RBBP5: variants seen among roughly 807,000 people sequenced by gnomAD.
RBBP5 encodes RB binding protein 5, histone lysine methyltransferase complex subunit, also known as retinoblastoma-binding protein 5.
RBBP5 carries 5 observed loss-of-function variants against 72.2 expected under a neutral mutation model. The ratio of observed to expected loss-of-function variants is 0.07; its 90% CI spans 0.04 to 0.15. The LOEUF (loss-of-function observed/expected upper bound fraction) is 0.15, where lower values mean the gene tolerates loss of function less well. Among genes scored for constraint, RBBP5 ranks in the 10% least tolerant of loss-of-function variants. The pLI is 1.00. For synonymous variants in RBBP5, 209 were observed against 237.2 expected, an observed-to-expected ratio of 0.88 and a Z score of 1.09; for missense variants, 322 against 652.2, an observed-to-expected ratio of 0.49 and a Z score of 5.51.
At chr1:205,108,835 G>A (rs1230837454) in intron 3 of RBBP5, among the ~76,000 whole-genome samples, 1 of 152,050 alleles carries the variant, frequency 6.6e-6, no homozygotes, top group Non-Finnish European at 1.5e-5. Context: ...CTATAACACA[G>A]GAATAAAAAC....
intron 3 of RBBP5, among the ~76,000 whole-genome samples, chr1:205,106,116 T>C (rs1656054538): frequency 6.6e-6 from 1 of 152,122 alleles, no homozygotes; most frequent in Non-Finnish European, 1.5e-5. Context: ...GGAATTCCTA[T>C]CCTTCCCAGA....
intron 3 of RBBP5, among the ~76,000 whole-genome samples, chr1:205,106,823 A>T (rs1403590681): frequency 1.3e-5 from 2 of 152,188 alleles, no homozygotes; most frequent in Admixed American, 1.3e-4. Context: ...AACATGCCTG[A>T]AACAGATGGG....
chr1:205,098,737 C>G (rs997756335), intron 10 of RBBP5, among the ~76,000 whole-genome samples: 3 of 150,710 alleles, frequency 2.0e-5, no homozygotes, highest in Admixed American at 6.7e-5. Flanking sequence ...CCCAGCTACT[C>G]GGGAGGCTGA....
intron 1 of RBBP5, among the ~76,000 whole-genome samples, chr1:205,120,469 TCCCA>T (rs1656693340): frequency 1.3e-5 from 2 of 152,130 alleles, no homozygotes; most frequent in Non-Finnish European, 2.9e-5. Flanking sequence ...TGAACATCCC[TCCCA>T]TATTTTCATA....
chr1:205,119,932 C>T (rs767221966), intron 1 of RBBP5, among the ~76,000 whole-genome samples: 5 of 152,120 alleles, frequency 3.3e-5, no homozygotes, highest in Non-Finnish European at 7.4e-5. Context: ...TTCAATGAGC[C>T]CATCTGAAAG....
At chr1:205,098,422 T>C (rs976037625) in intron 10 of RBBP5, among the ~76,000 whole-genome samples, 1 of 152,174 alleles carries the variant, frequency 6.6e-6, no homozygotes, top group African/African-American at 2.4e-5. Context: ...AAATACACAA[T>C]GATATGTTAA....
chr1:205,114,545 T>G (rs1172879188), intron 3 of RBBP5, among the ~76,000 whole-genome samples: 2 of 152,148 alleles, frequency 1.3e-5, no homozygotes. Context: ...AATCTGAAAA[T>G]ATTTCATTTC....
At chr1:205,102,765 A>G (rs1399937500) in intron 5 of RBBP5, among the ~76,000 whole-genome samples, 6 of 152,010 alleles carry the variant, frequency 3.9e-5, no homozygotes, top group Admixed American at 6.6e-5. Context: ...AGGCTGAAGC[A>G]AGTGGATCAC....
intron 13 of RBBP5, among the ~76,000 whole-genome samples, chr1:205,089,585 T>C (rs1446213136): frequency 6.6e-6 from 1 of 152,202 alleles, no homozygotes; most frequent in Non-Finnish European, 1.5e-5. Context: ...GCCCAAACTA[T>C]GAAAGAAAAG....
intron 10 of RBBP5, among the ~76,000 whole-genome samples, 195 bp from the exon 11 acceptor site, chr1:205,097,590 C>G (rs1655666546): frequency 6.6e-6 from 1 of 152,108 alleles, no homozygotes. Context: ...TGCAATGACC[C>G]AGAAAAAGTT....
chr1:205,102,373 T>C (rs920760310), intron 5 of RBBP5, among the ~76,000 whole-genome samples: 5 of 152,118 alleles, frequency 3.3e-5, no homozygotes, highest in Admixed American at 3.3e-4. Context: ...TGGGTGAAGC[T>C]TGAGGACATG....
chr1:205,091,640 C>T (rs1655354764), intron 13 of RBBP5: 1 of 152,212 alleles, frequency 6.6e-6, no homozygotes, highest in Non-Finnish European at 1.5e-5. Flanking sequence ...TTTGTTAGGG[C>T]TAATCAGTTT....
In RBBP5 at chr1:205,099,800, G is replaced by T; in HGVS notation, c.919C>A (p.Arg307=). The T allele has an allele frequency of 6.2e-7, 1 of 1,613,872 alleles. No individual in the cohort carries two copies. The highest frequency in any genetic ancestry group is 8.5e-7 in the Non-Finnish European group (1 of 1,179,760). Residue 307 remains arginine, a synonymous_variant, in exon 9 of 14, where the codon CGA becomes AGA. Transcript: ENST00000264515. The surrounding 1 kb of genome is among the most constrained non-coding windows in gnomAD (Gnocchi z 4.7). ...CTGGAAATGGATGCTATGATGGGTCGAACAGGATGCCACTAAATTTTAGTG... is the reference window on the plus strand; with the variant it reads ...CTGGAAATGGATGCTATGATGGGTCTAACAGGATGCCACTAAATTTTAGTG... ...LLLDVAWHPV[R]PIIASISSGV... is the part of the protein sequence containing the mutation.
In RBBP5 at chr1:205,099,389, C is replaced by T. The variant is rs917810961; in HGVS notation, c.979-283G>A. Among the ~76,000 whole-genome samples, 1 of 152,072 alleles carries T rather than the reference C, an allele frequency of 6.6e-6. No homozygotes were observed. The highest frequency in any genetic ancestry group is 2.4e-5 in the African/African-American group (1 of 41,400). On this transcript the variant is annotated intron_variant, in intron 9 of 13. Coordinates refer to ENST00000264515, the MANE Select transcript of RBBP5 (RefSeq NM_005057.4). The surrounding 1 kb of genome is among the most constrained non-coding windows in gnomAD (Gnocchi z 4.7). ...AAAATGTTAAATTTTCTTGTAAGTA[C>T]ACTGATTACAAACATAATTTAAAGG...
In RBBP5 at chr1:205,113,243, T is replaced by C. The variant is rs567575339; in HGVS notation, c.218+1546A>G. Among the ~76,000 whole-genome samples the C allele has an allele frequency of 7.2e-5, 11 of 152,234 alleles. No homozygotes were observed. In the South Asian group the frequency reaches 1.2e-3, roughly 17 times the overall value. ...ATGATTTTCTAGAATAAGTATATAT[T>C]AGTATATAATAAAAACACACATATT... On this transcript the variant is annotated intron_variant, in intron 3 of 13. Coordinates refer to ENST00000264515, the MANE Select transcript of RBBP5 (RefSeq NM_005057.4).
intron 5 of RBBP5, 55 bp from the exon 6 acceptor site, chr1:205,101,764 T>A: frequency 2.3e-6 from 3 of 1,278,594 alleles, no homozygotes; most frequent in East Asian, 2.3e-5. Flanking sequence ...TAACAATAAT[T>A]GATTTGGCTT....
At chr1:205,118,485 C>A (rs568914014) in intron 1 of RBBP5, among the ~76,000 whole-genome samples, 3 of 151,976 alleles carry the variant, frequency 2.0e-5, no homozygotes, top group Non-Finnish European at 4.4e-5. Context: ...TGGTGGCACA[C>A]GCCTGTAATC....
chr1:205,112,721 T>C (rs28757841), intron 3 of RBBP5, among the ~76,000 whole-genome samples: 1 of 152,228 alleles, frequency 6.6e-6, no homozygotes, highest in East Asian at 1.9e-4. Context: ...TACAGTCATT[T>C]AAAAAGTTGT....
intron 13 of RBBP5, 149 bp downstream of exon 13, chr1:205,094,724 C>T: frequency 1.1e-6 from 1 of 900,360 alleles, no homozygotes; most frequent in Non-Finnish European, 1.6e-6. Context: ...TTAGCCTGCC[C>T]TTAGCAGCAG....
Sources: gnomAD v4.1 joint callset for allele counts (sites outside exome capture counted in the v4.1 genomes callset) on GRCh38, gnomAD v4.1.1 for gene constraint, Gnocchi (gnomAD v3.1) non-coding constraint, MANE v1.5 for transcripts, NCBI Gene and HGNC (gene_info 2026-07-23, HGNC 2026-07-21) for gene names.